The following CTBP1 variants were observed in gnomAD, a reference collection of about 807,000 sequenced individuals.
The protein encoded by CTBP1 is C-terminal binding protein 1.
CTBP1 carries 11 observed loss-of-function variants against 42.1 expected under a neutral mutation model. That is an observed-to-expected ratio of 0.26 (90% CI 0.16 to 0.43). The LOEUF (loss-of-function observed/expected upper bound fraction) is 0.43, where lower values mean the gene tolerates loss of function less well. CTBP1 is among the 20% of genes least tolerant of loss of function. The pLI is 1.00. For missense variants in CTBP1, 399 were observed against 624.3 expected, an observed-to-expected ratio of 0.64 and a Z score of 3.85; for synonymous variants, 324 against 277.1, an observed-to-expected ratio of 1.17 and a Z score of -1.68.
chr4:1,248,273 G>C lies in CTBP1; in HGVS notation c.-189+643C>G, dbSNP rs1353874875. 2.0e-5 allele frequency among the ~76,000 whole-genome samples: 3 copies of C among 152,000 alleles called. No individual in the cohort carries two copies. The East Asian group carries it at 5.8e-4, about 30-fold the overall frequency. On this transcript the variant is annotated intron_variant, in intron 1 of 9. Coordinates refer to ENST00000382952, the MANE Select transcript of CTBP1 (RefSeq NM_001012614.2). ...GGTCCGGGACCTCGCGGAGTTCGCG[G>C]GAACGGAGACCCCGGGCCCTCCCGC...
At chr4:1,239,536 C>T (rs962042326) in intron 2 of CTBP1, among the ~76,000 whole-genome samples, 1 of 152,238 alleles carries the variant, frequency 6.6e-6, no homozygotes, top group African/African-American at 2.4e-5. Context: ...TGCAGGTGAG[C>T]AGAGGCCACC....
At chr4:1,224,067 G>A (rs1730042704) in intron 5 of CTBP1, among the ~76,000 whole-genome samples, 1 of 143,862 alleles carries the variant, frequency 7.0e-6, no homozygotes, top group Non-Finnish European at 1.5e-5. Context: ...CCGAACCCCG[G>A]CCCCAGCAGG....
At chr4:1,247,485 GC>G (rs1732837746) in intron 1 of CTBP1, among the ~76,000 whole-genome samples, 1 of 152,166 alleles carries the variant, frequency 6.6e-6, no homozygotes, top group African/African-American at 2.4e-5. Flanking sequence ...GAGGCCGGGT[GC>G]TGAGGCCCAG....
At chr4:1,216,247 T>C (rs1309741943) in intron 5 of CTBP1, 42 bp from the exon 6 acceptor site, 3 of 1,569,262 alleles carry the variant, frequency 1.9e-6, no homozygotes, top group Non-Finnish European at 2.6e-6. Flanking sequence ...TGCTCACCCG[T>C]GGCCGGGAGG....
chr4:1,227,803 A>C (rs1369286343), intron 4 of CTBP1, among the ~76,000 whole-genome samples: 1 of 152,194 alleles, frequency 6.6e-6, no homozygotes, highest in Non-Finnish European at 1.5e-5. Flanking sequence ...TGCTGAGTGC[A>C]CACGTACTGG....
At chr4:1,226,123 G>A (rs1241397883) in intron 4 of CTBP1, among the ~76,000 whole-genome samples, 2 of 152,058 alleles carry the variant, frequency 1.3e-5, no homozygotes, top group African/African-American at 4.8e-5. Flanking sequence ...TGGAAAGCAA[G>A]TCCATCCCAT....
At position 1,212,212 on chromosome 4, in the gene CTBP1, G is replaced by A; in HGVS notation, c.*28C>T. ...GAGGGTTTCCGGGCCCTCTGCCCAG[G>A]CGCCGAGGCTGGAGAGCTCCTCCCG... is the stretch of plus-strand genomic sequence containing the variant. On this transcript the variant is annotated 3_prime_UTR_variant, in exon 10 of 10. Coordinates refer to ENST00000382952, the MANE Select transcript of CTBP1 (RefSeq NM_001012614.2). The A allele has an allele frequency of 7.1e-7, 1 of 1,413,766 alleles. No individual in the cohort carries two copies. The highest frequency in any genetic ancestry group is 9.3e-7 in the Non-Finnish European group (1 of 1,080,366). 87.6% of individuals were successfully genotyped at this position (1,413,766 alleles called of 1,614,324 possible).
chr4:1,238,236 C>T lies in CTBP1; in HGVS notation c.109G>A (p.Val37Met), dbSNP rs1731782670. The change falls in exon 3 of 10, where the codon GTG becomes ATG. Residue 37 changes from valine (V) to methionine (M), a missense_variant. Around this residue, in one of 4 missense-constraint regions of CTBP1, gnomAD observed 13 missense variants for 61.5 expected, o/e 0.21. Coordinates refer to ENST00000382952, the MANE Select transcript of CTBP1 (RefSeq NM_001012614.2). This position sits in a 1 kb window ranked among gnomAD's most constrained non-coding sequence, Gnocchi z 5.9. ...GCGTCGCAGAAGGCCACAGTGGCCA[C>T]GTCCTTCAGGATGGGCATCTCCACT... ...CTVEMPILKD[V>M]ATVAFCDAQS... is the part of the protein sequence containing the mutation. 1.2e-6 allele frequency: 2 copies of T among 1,612,670 alleles called. No individual in the cohort carries two copies. Among genetic ancestry groups the T allele is most frequent in the African/African-American group, 1.3e-5 (1 of 74,930 alleles).
rs1560221085 is a variant in CTBP1 at position 1,211,731 on chromosome 4, T to C, written c.*509A>G. 6.6e-6 allele frequency: 1 copy of C among 152,206 alleles called. No individual in the cohort carries two copies. The highest frequency in any genetic ancestry group is 1.9e-4 in the East Asian group (1 of 5,192). 9.4% of individuals were successfully genotyped at this position (152,206 alleles called of 1,614,324 possible). On this transcript the variant is annotated 3_prime_UTR_variant, in exon 10 of 10. Transcript: ENST00000382952. ...AGGAAAAACAGCCTTTGTTTTGTTTTTCTAAATTATTCTAAAAATAAGACA... is the reference window on the plus strand; with the variant it reads ...AGGAAAAACAGCCTTTGTTTTGTTTCTCTAAATTATTCTAAAAATAAGACA...
Position 1,236,268 on chromosome 4 carries a change from T to G in CTBP1, c.162+1915A>C, listed in dbSNP as rs912933489. On this transcript the variant is annotated intron_variant, in intron 3 of 9. Transcript: ENST00000382952. The stretch of plus-strand genomic sequence containing the variant: ...TGAATCACTGATCCCTGGCTACAAG[T>G]AGAAGCCAGACCAACCTAGTTCTCA... The G allele has an allele frequency of 1.3e-5, 3 of 239,850 alleles. No homozygotes were observed. The East Asian group carries it at 2.9e-4, about 23-fold the overall frequency. 14.9% of individuals were successfully genotyped at this position (239,850 alleles called of 1,614,324 possible).
intron 7 of CTBP1, 115 bp from the exon 8 acceptor site, chr4:1,213,720 C>T: frequency 1.4e-6 from 2 of 1,391,234 alleles, no homozygotes; most frequent in Non-Finnish European, 1.9e-6. Flanking sequence ...ACCACAGACC[C>T]CACGGCCCTG....
chr4:1,242,604 C>T, intron 1 of CTBP1: 1 of 985,464 alleles, frequency 1.0e-6, no homozygotes, highest in Non-Finnish European at 1.2e-6. Flanking sequence ...GGTGCAGCCC[C>T]ACGCACGCAC....
At position 1,216,129 on chromosome 4, in the gene CTBP1, C is replaced by T; in HGVS notation, c.591G>A (p.Ser197=). The T allele has an allele frequency of 6.2e-7, 1 of 1,611,336 alleles. No individual in the cohort carries two copies. Among genetic ancestry groups the T allele is most frequent in the South Asian group, 1.1e-5 (1 of 90,988 alleles). ...GCCCCAGCGCCCGCTCCACGCCATC[C>T]GACAAGTAAGGGTCGTAGAAGAGCA... ...FNVLFYDPYL[S]DGVERALGLQ... Residue 197 remains serine (S), a synonymous_variant, in exon 6 of 10, where the codon TCG becomes TCA. Coordinates refer to ENST00000382952, the MANE Select transcript of CTBP1 (RefSeq NM_001012614.2).
At chr4:1,215,752 G>A (rs1395355989) in intron 6 of CTBP1, 1 of 572,226 alleles carries the variant, frequency 1.7e-6, no homozygotes, top group East Asian at 2.9e-5. Context: ...GGTGTTCAAA[G>A]GTATGAGGTT....
chr4:1,232,601 T>C (rs1289029143), intron 3 of CTBP1, among the ~76,000 whole-genome samples: 1 of 152,246 alleles, frequency 6.6e-6, no homozygotes, highest in Non-Finnish European at 1.5e-5. Context: ...CGTGAGCTGC[T>C]GCACCCCACC....
intron 1 of CTBP1, chr4:1,244,873 G>A (rs1321836491): frequency 1.0e-6 from 1 of 985,452 alleles, no homozygotes; most frequent in Non-Finnish European, 1.2e-6. Flanking sequence ...CCCAGCCAGG[G>A]GCTGACATGA....
rs1310585939 is a variant in CTBP1, at chr4:1,249,070, G to C, written c.-343C>G. 1 of 364,304 alleles carries C rather than the reference G, an allele frequency of 2.7e-6. No individual in the cohort carries two copies. Among genetic ancestry groups the C allele is most frequent in the Non-Finnish European group, 3.8e-6 (1 of 265,696 alleles). The allele number at this position is 364,304 out of a possible 1,614,324, so 22.6% of individuals were successfully genotyped here. On this transcript the variant is annotated 5_prime_UTR_variant, in exon 1 of 10. Coordinates refer to ENST00000382952, the MANE Select transcript of CTBP1 (RefSeq NM_001012614.2). ...CTGCTCCGCCCGCCCGCCTGCGCCT[G>C]GCCGCCGCCGTGCCGAGTCTCCGCC...
chr4:1,241,264 C>G, intron 2 of CTBP1, 61 bp downstream of exon 2: 1 of 784,596 alleles, frequency 1.3e-6, no homozygotes, highest in Non-Finnish European at 2.4e-6. Context: ...GCCTCCTCCA[C>G]ACGGTCGCAA....
Position 1,214,463 on chromosome 4 carries a change from C to T in CTBP1, c.740G>A (p.Gly247Glu). The T allele has an allele frequency of 6.3e-7, 1 of 1,588,216 alleles. No individual in the cohort carries two copies. The highest frequency in any genetic ancestry group is 8.6e-7 in the Non-Finnish European group (1 of 1,169,550). The stretch of plus-strand genomic sequence containing the variant: ...CCGGGCTGTGTTCACCAGGAAGGCC[C>T]CTTGTCTCATCTAGAAGACATAAGG... The part of the protein sequence containing the change: ...NDFTVKQMRQ[G>E]AFLVNTARGG... The change falls in exon 7 of 10, where the codon GGG (glycine) becomes GAG (glutamate). Residue 247 changes from glycine (G) to glutamate (E), a missense_variant. By Grantham distance (98) the Gly-to-Glu change is moderately conservative. Coordinates refer to ENST00000382952, the MANE Select transcript of CTBP1 (RefSeq NM_001012614.2).
Sources: allele counts gnomAD v4.1 joint callset (sites outside exome capture counted in the v4.1 genomes callset), GRCh38; gene constraint gnomAD v4.1.1; regional missense constraint gnomAD v4.1.1; non-coding constraint Gnocchi (gnomAD v3.1); transcripts MANE v1.5; gene names NCBI Gene and HGNC (gene_info 2026-07-23, HGNC 2026-07-21).